Variants in HIPK2 observed in about 807,000 individuals in gnomAD.
The protein encoded by HIPK2 is homeodomain-interacting protein kinase 2.
In HIPK2, 27 loss-of-function variants were observed where a neutral mutation model predicts 113.7. The ratio of observed to expected loss-of-function variants is 0.24; its 90% CI spans 0.17 to 0.33. The LOEUF is 0.33. HIPK2 is among the 10% of genes least tolerant of loss of function. The pLI is 1.00. For missense variants in HIPK2, 1,257 were observed against 1,588.0 expected, an observed-to-expected ratio of 0.79 and a Z score of 3.54; for synonymous variants, 631 against 642.2, an observed-to-expected ratio of 0.98 and a Z score of 0.26.
At chr7:139,677,257 G>GGA (rs1802535777) in intron 2 of HIPK2, among the ~76,000 whole-genome samples, 1 of 39,298 alleles carries the variant, frequency 2.5e-5, no homozygotes, top group African/African-American at 9.8e-5. Context: ...ATATATATAT[G>GGA]GAGACACACA....
At chr7:139,707,640 G>A (rs1463000611) in intron 2 of HIPK2, among the ~76,000 whole-genome samples, 3 of 152,230 alleles carry the variant, frequency 2.0e-5, no homozygotes, top group African/African-American at 4.8e-5. Context: ...ATCGCAGACT[G>A]GGGACAGATA....
chr7:139,654,013 G>A (rs71543340), intron 2 of HIPK2, among the ~76,000 whole-genome samples: 8 of 152,126 alleles, frequency 5.3e-5, no homozygotes, highest in Admixed American at 2.6e-4. Flanking sequence ...GATTATAGGC[G>A]TGAGCCACTG....
rs1248847732 is a variant in HIPK2 at position 139,777,733 on chromosome 7, C to G, written c.-110G>C. ...GCCATCTTGAGCCTGTGTCTCCGCTCTCGGCGCAGCCGAGGCCGCCCGCGC... is the reference window on the plus strand; with the variant it reads ...GCCATCTTGAGCCTGTGTCTCCGCTGTCGGCGCAGCCGAGGCCGCCCGCGC... On this transcript the variant is annotated 5_prime_UTR_variant, in exon 1 of 15. Transcript: ENST00000406875. The G allele has an allele frequency of 5.0e-6, 5 of 1,000,306 alleles. No homozygotes were observed. Among genetic ancestry groups the G allele is most frequent in the Non-Finnish European group, 6.0e-6 (5 of 833,880 alleles). 62.0% of individuals were successfully genotyped at this position (1,000,306 alleles called of 1,614,324 possible). A position where few individuals can be genotyped will look rare whatever the true frequency, so the allele number is the denominator to read the frequency against.
chr7:139,716,103 G>A lies in HIPK2; in HGVS notation c.932C>T (p.Ala311Val). ...ACCTAGGCTTTTGAGTTTCATCAGGGCTGTGGCTACCTGCTGGAGAACTGG... is the reference window on the plus strand; with the variant it reads ...ACCTAGGCTTTTGAGTTTCATCAGGACTGTGGCTACCTGCTGGAGAACTGG... ...IRPVLQQVAT[A>V]LMKLKSLGLI... Residue 311 changes from alanine to valine, a missense_variant, in exon 2 of 15, where the codon GCC (alanine) becomes GTC (valine). By Grantham distance (64) the Ala-to-Val change is moderately conservative. Around this residue, in one of 5 missense-constraint regions of HIPK2, gnomAD observed 84 missense variants for 182.2 expected, o/e 0.46. Transcript: ENST00000406875. This position sits in a 1 kb window ranked among gnomAD's most constrained non-coding sequence, Gnocchi z 9.3. 6.2e-7 allele frequency: 1 copy of A among 1,614,106 alleles called. No homozygotes were observed. The highest frequency in any genetic ancestry group is 1.1e-5 in the South Asian group (1 of 91,082).
At chr7:139,679,201 G>C (rs1458687478) in intron 2 of HIPK2, among the ~76,000 whole-genome samples, 1 of 152,080 alleles carries the variant, frequency 6.6e-6, no homozygotes, top group East Asian at 1.9e-4. Context: ...ATACTATGTT[G>C]AATAGGCGTG....
chr7:139,597,109 G>T, intron 11 of HIPK2, 111 bp from the exon 12 acceptor site: 1 of 1,172,232 alleles, frequency 8.5e-7, no homozygotes. Context: ...TGTAAAACAC[G>T]TCAGTGGCTG....
At chr7:139,640,618 A>G (rs947211334) in intron 2 of HIPK2, among the ~76,000 whole-genome samples, 1 of 152,188 alleles carries the variant, frequency 6.6e-6, no homozygotes, top group Non-Finnish European at 1.5e-5. Context: ...TCCATGTGAA[A>G]GCAATGAAAT....
At chr7:139,618,425 A>G (rs1405617604) in intron 7 of HIPK2, among the ~76,000 whole-genome samples, 2 of 151,960 alleles carry the variant, frequency 1.3e-5, no homozygotes, top group Non-Finnish European at 2.9e-5. Flanking sequence ...CTTTTGTGGG[A>G]TGTCATTTTC....
intron 13 of HIPK2, among the ~76,000 whole-genome samples, chr7:139,579,748 C>T (rs1798607494): frequency 6.6e-6 from 1 of 151,982 alleles, no homozygotes; most frequent in African/African-American, 2.4e-5. Context: ...GAAGGGTGAG[C>T]TGCCGCAGTG....
intron 1 of HIPK2, among the ~76,000 whole-genome samples, chr7:139,776,097 G>A (rs1364260274): frequency 2.6e-5 from 4 of 152,172 alleles, no homozygotes; most frequent in African/African-American, 9.7e-5. Context: ...ATGAACGCCC[G>A]ACATGGGTTC....
chr7:139,689,216 C>T (rs1367136406), intron 2 of HIPK2, among the ~76,000 whole-genome samples: 2 of 152,120 alleles, frequency 1.3e-5, no homozygotes, highest in Non-Finnish European at 2.9e-5. Flanking sequence ...GGGAAAACTG[C>T]TATCGGGAAA....
At chr7:139,709,017 C>T (rs910338679) in intron 2 of HIPK2, among the ~76,000 whole-genome samples, 2 of 152,106 alleles carry the variant, frequency 1.3e-5, no homozygotes, top group Non-Finnish European at 2.9e-5. Context: ...AATAATAATA[C>T]TTATTAAGAG....
At chr7:139,689,140 G>A (rs923626236) in intron 2 of HIPK2, among the ~76,000 whole-genome samples, 1 of 152,192 alleles carries the variant, frequency 6.6e-6, no homozygotes, top group Non-Finnish European at 1.5e-5. Context: ...CGTTTGGCTG[G>A]GGTGTAAATG....
At chr7:139,610,337 A>T (rs997717197) in intron 9 of HIPK2, among the ~76,000 whole-genome samples, 1 of 152,246 alleles carries the variant, frequency 6.6e-6, no homozygotes, top group Non-Finnish European at 1.5e-5. Context: ...GGGCTCACAA[A>T]GGCGGAGCAC....
At position 139,624,027 on chromosome 7, in the gene HIPK2, A is replaced by ATT. The variant is rs61607452; in HGVS notation, c.1619+2572_1619+2573dup. ...CCTTCCCATCCACCAACGGCTTCCT[A>ATT]TTTTTTTTTTTTTTTGACGGAGTCT... is the stretch of plus-strand genomic sequence containing the variant. On this transcript the variant is annotated intron_variant, in intron 6 of 14. Coordinates refer to ENST00000406875, the MANE Select transcript of HIPK2 (RefSeq NM_022740.5). 3.7e-4 allele frequency among the ~76,000 whole-genome samples: 53 copies of ATT among 143,494 alleles called. 1 individual carries two copies. In the South Asian group the frequency reaches 4.6e-3, roughly 13 times the overall value. 94.1% of individuals were successfully genotyped at this position (143,494 alleles called of 152,430 possible).
At chr7:139,703,304 T>C (rs1794766749) in intron 2 of HIPK2, among the ~76,000 whole-genome samples, 1 of 152,208 alleles carries the variant, frequency 6.6e-6, no homozygotes, top group African/African-American at 2.4e-5. Flanking sequence ...CTCCCGCTGC[T>C]GCTCAGGGTG....
rs541802821 is a variant in HIPK2, at chr7:139,705,716, C to A, written c.1103+10216G>T. Among the ~76,000 whole-genome samples, 3 of 152,086 alleles carry A rather than the reference C, an allele frequency of 2.0e-5. No individual in the cohort carries two copies. In the South Asian group the frequency reaches 6.2e-4, roughly 32 times the overall value. ...ATAAGCCTCAGAAAGGTTTGGGAAC[C>A]TGCCTGGAGTCACACAGCTGTAAAG... On this transcript the variant is annotated intron_variant, in intron 2 of 14. Transcript: ENST00000406875.
At chr7:139,748,807 G>T (rs1377246820) in intron 1 of HIPK2, among the ~76,000 whole-genome samples, 2 of 152,052 alleles carry the variant, frequency 1.3e-5, no homozygotes, top group African/African-American at 2.4e-5. Context: ...CCCCTGACAG[G>T]CCCTCAAAGC....
At chr7:139,622,985 A>G (rs1569456764) in intron 6 of HIPK2, among the ~76,000 whole-genome samples, 1 of 152,170 alleles carries the variant, frequency 6.6e-6, no homozygotes, top group Non-Finnish European at 1.5e-5. Flanking sequence ...CCCAGGCTTT[A>G]TGGGGGTGAC....
Sources: gnomAD v4.1 joint callset for allele counts (sites outside exome capture counted in the v4.1 genomes callset) on GRCh38, gnomAD v4.1.1 for gene constraint, gnomAD v4.1.1 regional missense constraint, Gnocchi (gnomAD v3.1) non-coding constraint, MANE v1.5 for transcripts, NCBI Gene and HGNC (gene_info 2026-07-23, HGNC 2026-07-21) for gene names.